Variants in GLS observed in about 807,000 individuals in gnomAD.
GLS encodes glutaminase kidney isoform, mitochondrial.
In GLS, 36 loss-of-function variants were observed where a neutral mutation model predicts 86.7. The ratio of observed to expected loss-of-function variants is 0.42; its 90% confidence interval spans 0.32 to 0.55. The LOEUF is 0.55. Among genes scored for constraint, GLS ranks in the 20% least tolerant of loss-of-function variants. GLS has a pLI of 0.17. For synonymous variants in GLS, 317 were observed against 305.9 expected, an observed-to-expected ratio of 1.04 and a Z score of -0.38; for missense variants, 528 against 833.4, an observed-to-expected ratio of 0.63 and a Z score of 4.51.
chr2:190,934,455 CTTGAATGTTCT>C (rs1690208174), intron 14 of GLS: 1 of 964,004 alleles, frequency 1.0e-6, no homozygotes, highest in African/African-American at 1.8e-5. Flanking sequence ...TTTATGCTTA[CTTGAATGTTCT>C]TTGAATGTTC....
chr2:190,899,737 G>C (rs1688873041), intron 3 of GLS, among the ~76,000 whole-genome samples: 1 of 152,018 alleles, frequency 6.6e-6, no homozygotes, highest in South Asian at 2.1e-4. Context: ...CGTTTTAAAG[G>C]CTACGTTAAT....
chr2:190,940,194 A>C (rs551245649), intron 14 of GLS, among the ~76,000 whole-genome samples: 1 of 151,942 alleles, frequency 6.6e-6, no homozygotes, highest in Non-Finnish European at 1.5e-5. Flanking sequence ...AAGTATATGC[A>C]TCATTGATCC....
intron 14 of GLS, chr2:190,934,312 T>C: frequency 1.0e-6 from 1 of 963,490 alleles, no homozygotes; most frequent in Non-Finnish European, 1.2e-6. Flanking sequence ...GTCTTAAGTT[T>C]GGGAACTGTG....
chr2:190,950,499 AAGAAT>A (rs1479250328), intron 14 of GLS, among the ~76,000 whole-genome samples: 1 of 152,206 alleles, frequency 6.6e-6, no homozygotes, highest in African/African-American at 2.4e-5. Flanking sequence ...CTGTGAGAGA[AAGAAT>A]AGAATCAAGG....
At chr2:190,932,022 T>C (rs1054691085) in intron 14 of GLS, among the ~76,000 whole-genome samples, 4 of 152,064 alleles carry the variant, frequency 2.6e-5, no homozygotes, top group African/African-American at 9.6e-5. Flanking sequence ...CGTTTTAATA[T>C]TTGTTCGTCC....
At position 190,930,964 on chromosome 2, in the gene GLS, T is replaced by G. The variant is rs1294420014; in HGVS notation, c.1557+396T>G. On this transcript the variant is annotated intron_variant, in intron 13 of 17. Coordinates refer to ENST00000320717, the MANE Select transcript of GLS (RefSeq NM_014905.5). The surrounding 1 kb of genome is among the most constrained non-coding windows in gnomAD (Gnocchi z 5.0). ...CATTGACTACCTTTAAACATTTTTTTGAGGAAATAAGCACTGAAAATTAAA... is the reference window on the plus strand; with the variant it reads ...CATTGACTACCTTTAAACATTTTTTGGAGGAAATAAGCACTGAAAATTAAA... Among the ~76,000 whole-genome samples the G allele has an allele frequency of 6.6e-6, 1 of 152,192 alleles. No homozygotes were observed. The highest frequency in any genetic ancestry group is 2.1e-4 in the South Asian group (1 of 4,830).
intron 9 of GLS, among the ~76,000 whole-genome samples, chr2:190,922,346 G>C (rs772604678): frequency 6.6e-6 from 1 of 152,048 alleles, no homozygotes; most frequent in Admixed American, 6.6e-5. Flanking sequence ...TTCTTATTTT[G>C]CACTTCCTGC....
At chr2:190,886,666 A>G (rs929960134) in intron 1 of GLS, among the ~76,000 whole-genome samples, 1 of 152,250 alleles carries the variant, frequency 6.6e-6, no homozygotes, top group African/African-American at 2.4e-5. Context: ...CCGTAATCCC[A>G]GCACTTTGGG....
At chr2:190,929,779 T>C (rs1012023574) in intron 12 of GLS, among the ~76,000 whole-genome samples, 1 of 152,100 alleles carries the variant, frequency 6.6e-6, no homozygotes, top group African/African-American at 2.4e-5. Flanking sequence ...CTTATAACTT[T>C]ATTTATAAAC....
At chr2:190,881,503 T>G in intron 1 of GLS, 33 bp downstream of exon 1, 2 of 1,526,662 alleles carry the variant, frequency 1.3e-6, no homozygotes, top group Non-Finnish European at 1.8e-6. Context: ...GGAGGCCTCG[T>G]TCCTTTCGGG....
At chr2:190,898,782 C>A (rs4597558) in intron 3 of GLS, among the ~76,000 whole-genome samples, 34,691 of 151,958 alleles carry the variant, frequency 0.23, 4,166 homozygotes, top group East Asian at 0.46. Context: ...CAGGCATGCA[C>A]CACCACGCCC....
chr2:190,887,827 A>T (rs1053282640), intron 1 of GLS, among the ~76,000 whole-genome samples: 7 of 152,182 alleles, frequency 4.6e-5, no homozygotes, highest in Non-Finnish European at 5.9e-5. Flanking sequence ...ATTGTGGTAC[A>T]TTCATATGAG....
At chr2:190,937,961 A>C (rs1470908548) in intron 14 of GLS, among the ~76,000 whole-genome samples, 1 of 150,016 alleles carries the variant, frequency 6.7e-6, no homozygotes, top group African/African-American at 2.4e-5. Context: ...GGCAAGCGTT[A>C]GAAACAGGTG....
rs1574577972 is a variant in GLS at position 190,905,381 on chromosome 2, C to T, written c.979+214C>T. ...TGGGCTAGGGAGAACATGAACTTCT[C>T]TCTTCATAACCACCTTTAGGGAAAT... On this transcript the variant is annotated intron_variant, in intron 6 of 17. Transcript: ENST00000320717. The surrounding 1 kb of genome is among the most constrained non-coding windows in gnomAD (Gnocchi z 4.6). 4 of 430,102 alleles carry T rather than the reference C, an allele frequency of 9.3e-6. No homozygotes were observed. Among genetic ancestry groups the T allele is most frequent in the Admixed American group, 4.0e-5 (1 of 25,150 alleles). 26.6% of individuals were successfully genotyped at this position (430,102 alleles called of 1,614,324 possible).
chr2:190,900,766 G>A, intron 4 of GLS, 73 bp downstream of exon 4: 1 of 1,154,590 alleles, frequency 8.7e-7, no homozygotes, highest in Non-Finnish European at 1.3e-6. Flanking sequence ...GGTCTAGAGA[G>A]TAAATTGTGT....
At position 190,930,960 on chromosome 2, in the gene GLS, T is replaced by G. The variant is rs1690090279; in HGVS notation, c.1557+392T>G. Reference sequence around the variant, plus strand: ...TATCCATTGACTACCTTTAAACATTTTTTTGAGGAAATAAGCACTGAAAAT... The same window carrying G: ...TATCCATTGACTACCTTTAAACATTGTTTTGAGGAAATAAGCACTGAAAAT... On this transcript the variant is annotated intron_variant, in intron 13 of 17. Transcript: ENST00000320717. This position sits in a 1 kb window ranked among gnomAD's most constrained non-coding sequence, Gnocchi z 5.0. Among the ~76,000 whole-genome samples the G allele has an allele frequency of 6.6e-6, 1 of 152,168 alleles. No individual in the cohort carries two copies. Among genetic ancestry groups the G allele is most frequent in the Admixed American group, 6.5e-5 (1 of 15,270 alleles).
intron 7 of GLS, among the ~76,000 whole-genome samples, chr2:190,916,300 T>C (rs1689531283): frequency 6.6e-6 from 1 of 152,192 alleles, no homozygotes; most frequent in Admixed American, 6.5e-5. Context: ...CATTTATGCA[T>C]GCCTAGCTTT....
Position 190,924,779 on chromosome 2 carries a change from G to A in GLS, c.1248+186G>A, listed in dbSNP as rs1689846134. On this transcript the variant is annotated intron_variant, in intron 11 of 17. Coordinates refer to ENST00000320717, the MANE Select transcript of GLS (RefSeq NM_014905.5). This position sits in a 1 kb window ranked among gnomAD's most constrained non-coding sequence, Gnocchi z 5.2. ...AAAATACAAAAATTATTCGGGTGTGGTAGTGTGTGCCTGTAGTCCCAGTTA... is the reference window on the plus strand; with the variant it reads ...AAAATACAAAAATTATTCGGGTGTGATAGTGTGTGCCTGTAGTCCCAGTTA... 2.0e-6 allele frequency: 1 copy of A among 494,162 alleles called. No homozygotes were observed. The highest frequency in any genetic ancestry group is 2.0e-5 in the African/African-American group (1 of 50,806). 30.6% of individuals were successfully genotyped at this position (494,162 alleles called of 1,614,324 possible). A position where few individuals can be genotyped will look rare whatever the true frequency, so the allele number is the denominator to read the frequency against.
chr2:190,946,725 G>A (rs1160025376), intron 14 of GLS, among the ~76,000 whole-genome samples: 1 of 151,874 alleles, frequency 6.6e-6, no homozygotes, highest in Admixed American at 6.6e-5. Context: ...TCCCGCTTTG[G>A]TCCCATCTAG....
Sources: allele counts gnomAD v4.1 joint callset (sites outside exome capture counted in the v4.1 genomes callset), GRCh38; gene constraint gnomAD v4.1.1; non-coding constraint Gnocchi (gnomAD v3.1); transcripts MANE v1.5; gene names NCBI Gene and HGNC (gene_info 2026-07-23, HGNC 2026-07-21).